ZEB1: variants seen among roughly 807,000 people sequenced by gnomAD.
The protein encoded by ZEB1 is zinc finger E-box-binding homeobox 1.
Under a neutral mutation model 84.9 loss-of-function variants are expected in ZEB1, and 21 were observed. The observed-to-expected ratio is 0.25, with a 90% CI of 0.18 to 0.36. ZEB1 has a LOEUF of 0.36. Among genes scored for constraint, ZEB1 ranks in the 10% least tolerant of loss-of-function variants. ZEB1 has a pLI of 1.00. For synonymous variants in ZEB1, 420 were observed against 471.1 expected, an observed-to-expected ratio of 0.89 and a Z score of 1.41; for missense variants, 1,104 against 1,330.2, an observed-to-expected ratio of 0.83 and a Z score of 2.65.
Position 31,458,263 on chromosome 10 carries a change from A to C in ZEB1, c.59-2774A>C, listed in dbSNP as rs1442014157. Among the ~76,000 whole-genome samples, 4 of 152,074 alleles carry C rather than the reference A, an allele frequency of 2.6e-5. 1 individual carries two copies. The highest frequency in any genetic ancestry group is 2.0e-4 in the Admixed American group (3 of 15,254). On this transcript the variant is annotated intron_variant, in intron 1 of 8. Transcript: ENST00000424869. Reference sequence around the variant, plus strand: ...TTGCTAATAAGTACTGAAAGTAAAAATGAAAGTTAATAGCATTGTGCATCA... The same window carrying C: ...TTGCTAATAAGTACTGAAAGTAAAACTGAAAGTTAATAGCATTGTGCATCA...
intron 1 of ZEB1, among the ~76,000 whole-genome samples, chr10:31,331,249 A>C (rs1474425930): frequency 6.6e-6 from 1 of 150,850 alleles, no homozygotes; most frequent in African/African-American, 2.4e-5. Context: ...ACCATGCCCG[A>C]CTAATTTTTT....
chr10:31,490,925 A>G (rs941816620), intron 2 of ZEB1, among the ~76,000 whole-genome samples: 3 of 151,690 alleles, frequency 2.0e-5, no homozygotes, highest in Non-Finnish European at 4.4e-5. Context: ...TGATTCCACA[A>G]CTGGTTCACT....
At chr10:31,497,411 AATTTGTGTTT>A (rs1352873608) in intron 3 of ZEB1, among the ~76,000 whole-genome samples, 1 of 152,122 alleles carries the variant, frequency 6.6e-6, no homozygotes, top group African/African-American at 2.4e-5. Context: ...AACCTTCTCA[AATTTGTGTTT>A]AACAAAAGTT....
intron 6 of ZEB1, among the ~76,000 whole-genome samples, chr10:31,516,209 T>A (rs1486860865): frequency 6.6e-6 from 1 of 152,074 alleles, no homozygotes; most frequent in Non-Finnish European, 1.5e-5. Flanking sequence ...TGTATGCTGA[T>A]ACTGCTCAAA....
intron 2 of ZEB1, among the ~76,000 whole-genome samples, chr10:31,492,541 G>A (rs1178074295): frequency 6.6e-6 from 1 of 151,780 alleles, no homozygotes; most frequent in Non-Finnish European, 1.5e-5. Flanking sequence ...AGGTATAAAT[G>A]TGCATGGCAT....
chr10:31,405,923 T>C (rs2052922489), intron 1 of ZEB1, among the ~76,000 whole-genome samples: 1 of 152,146 alleles, frequency 6.6e-6, no homozygotes, highest in African/African-American at 2.4e-5. Flanking sequence ...AACTCCCACT[T>C]ATGAGTGAGA....
chr10:31,426,864 T>C lies in ZEB1; in HGVS notation c.59-34173T>C, dbSNP rs12219054. On this transcript the variant is annotated intron_variant, in intron 1 of 8. Coordinates refer to ENST00000424869, the MANE Select transcript of ZEB1 (RefSeq NM_001174096.2). The stretch of plus-strand genomic sequence containing the variant: ...CCCATTGATCTGGATCAGAGACATA[T>C]GTAAAATACAATTTCAGGGTGTTGT... Among the ~76,000 whole-genome samples, 151 of 152,324 alleles carry C rather than the reference T, an allele frequency of 9.9e-4. 1 individual carries two copies. In the East Asian group the frequency reaches 0.019, roughly 19 times the overall value.
chr10:31,334,203 T>C (rs575569992), intron 1 of ZEB1, among the ~76,000 whole-genome samples: 3 of 152,088 alleles, frequency 2.0e-5, no homozygotes, highest in Non-Finnish European at 4.4e-5. Flanking sequence ...GTATGGAACA[T>C]TGTATTCCAC....
rs758185926 is a variant in ZEB1 at position 31,520,829 on chromosome 10, C to A, written c.1497C>A (p.Val499=). 6.2e-7 allele frequency: 1 copy of A among 1,613,988 alleles called. No homozygotes were observed. The highest frequency in any genetic ancestry group is 8.5e-7 in the Non-Finnish European group (1 of 1,179,986). ...AAAATTTAAAAAAAGAAAATCCAGT[C>A]GCTACAAACAGTTGTAAAAGTGAAA... ...VPQNLKKENP[V]ATNSCKSEKL... is the part of the protein sequence containing the mutation. Residue 499 remains valine (V), a synonymous_variant, in exon 7 of 9, where the codon GTC becomes GTA. Coordinates refer to ENST00000424869, the MANE Select transcript of ZEB1 (RefSeq NM_001174096.2). This position sits in a 1 kb window ranked among gnomAD's most constrained non-coding sequence, Gnocchi z 5.1.
chr10:31,356,494 A>T (rs1354288136), intron 1 of ZEB1, among the ~76,000 whole-genome samples: 1 of 152,274 alleles, frequency 6.6e-6, no homozygotes, highest in East Asian at 1.9e-4. Context: ...TTTGTTTCAA[A>T]TAGCTTTCTA....
chr10:31,462,288 CCT>C (rs2061909009), intron 2 of ZEB1, among the ~76,000 whole-genome samples: 1 of 152,066 alleles, frequency 6.6e-6, no homozygotes, highest in East Asian at 1.9e-4. Flanking sequence ...TGTAATCAGC[CCT>C]CTCATTTTAT....
At chr10:31,461,353 C>A in intron 2 of ZEB1, 116 bp downstream of exon 2, 2 of 1,112,822 alleles carry the variant, frequency 1.8e-6, no homozygotes, top group Non-Finnish European at 1.3e-6. Flanking sequence ...ATTTGGCTAT[C>A]AATAAATATT....
intron 1 of ZEB1, among the ~76,000 whole-genome samples, chr10:31,446,725 G>T (rs959121813): frequency 6.6e-6 from 1 of 152,060 alleles, no homozygotes; most frequent in Non-Finnish European, 1.5e-5. Flanking sequence ...GAGCAGCTTT[G>T]AGTGAGATTC....
chr10:31,351,612 G>A (rs1209926224), intron 1 of ZEB1, among the ~76,000 whole-genome samples: 2 of 152,052 alleles, frequency 1.3e-5, no homozygotes, highest in African/African-American at 4.8e-5. Flanking sequence ...TTGGGTCAGG[G>A]CAATTGTCTT....
intron 1 of ZEB1, among the ~76,000 whole-genome samples, chr10:31,425,196 A>G (rs1198123856): frequency 6.6e-6 from 1 of 152,094 alleles, no homozygotes; most frequent in African/African-American, 2.4e-5. Flanking sequence ...CAAAGACCAG[A>G]AAACCACGAA....
intron 1 of ZEB1, among the ~76,000 whole-genome samples, chr10:31,397,439 G>A (rs2051018727): frequency 6.6e-6 from 1 of 151,812 alleles, no homozygotes; most frequent in African/African-American, 2.4e-5. Flanking sequence ...TGCCTTTTTA[G>A]ATACAGAATG....
intron 1 of ZEB1, among the ~76,000 whole-genome samples, chr10:31,341,454 A>G (rs1296985018): frequency 2.0e-5 from 3 of 152,180 alleles, no homozygotes; most frequent in Admixed American, 6.5e-5. Flanking sequence ...GAGTGAATAT[A>G]TGAATAATCA....
At position 31,398,461 on chromosome 10, in the gene ZEB1, CATT is replaced by C. The variant is rs200899166; in HGVS notation, c.59-62572_59-62570del. The stretch of plus-strand genomic sequence containing the variant: ...GCAATTCTGCCTTCTCTCTCTGCAT[CATT>C]ATTTTTCCTTCACTACTGGATCTTT... On this transcript the variant is annotated intron_variant, in intron 1 of 8. Transcript: ENST00000424869. 7.0e-3 allele frequency among the ~76,000 whole-genome samples: 1,068 copies of C among 152,202 alleles called. 12 individuals carry two copies. Among genetic ancestry groups the C allele is most frequent in the African/African-American group, 0.024 (979 of 41,532 alleles).
At chr10:31,449,316 A>C (rs1305089557) in intron 1 of ZEB1, among the ~76,000 whole-genome samples, 1 of 152,102 alleles carries the variant, frequency 6.6e-6, no homozygotes, top group Admixed American at 6.5e-5. Context: ...ACTGTCTGGC[A>C]CTCCCTAGTG....
Sources: allele counts gnomAD v4.1 joint callset (sites outside exome capture counted in the v4.1 genomes callset), GRCh38; gene constraint gnomAD v4.1.1; non-coding constraint Gnocchi (gnomAD v3.1); transcripts MANE v1.5; gene names NCBI Gene and HGNC (gene_info 2026-07-23, HGNC 2026-07-21).